Variants in MCF2L2 observed in about 807,000 individuals in gnomAD.
The protein encoded by MCF2L2 is MCF.2 cell line derived transforming sequence-like 2.
Under a neutral mutation model 150.2 loss-of-function variants are expected in MCF2L2, and 102 were observed. The ratio of observed to expected loss-of-function variants is 0.68; its 90% CI spans 0.58 to 0.80. The LOEUF (loss-of-function observed/expected upper bound fraction) is 0.80. Among genes scored for constraint, MCF2L2 ranks in the 30% least tolerant of loss-of-function variants. The pLI, the probability that MCF2L2 is intolerant of heterozygous loss-of-function variation, is 0.00. For synonymous variants in MCF2L2, 465 were observed against 491.3 expected (o/e 0.95, Z 0.71); for missense variants, 1,256 against 1,372.8 (o/e 0.91, Z 1.34).
Position 183,276,705 on chromosome 3 carries a change from G to A in MCF2L2, c.1862+167C>T. The A allele has an allele frequency of 1.1e-5, 5 of 472,802 alleles. No individual in the cohort carries two copies. The South Asian group carries it at 2.2e-4, about 21-fold the overall frequency. The allele number at this position is 472,802 out of a possible 1,614,324, so 29.3% of individuals were successfully genotyped here. A position where few individuals can be genotyped will look rare whatever the true frequency, so the allele number is the denominator to read the frequency against. ...AAGCTCTTTTGCTTGTTGCTTTTGTGGGATCCACAAATTTTGTTCTCAGGT... is the reference window on the plus strand; with the variant it reads ...AAGCTCTTTTGCTTGTTGCTTTTGTAGGATCCACAAATTTTGTTCTCAGGT... On this transcript the variant is annotated intron_variant, in intron 15 of 29. Coordinates refer to ENST00000328913, the MANE Select transcript of MCF2L2 (RefSeq NM_015078.4).
intron 1 of MCF2L2, among the ~76,000 whole-genome samples, chr3:183,394,875 T>G (rs537811834): frequency 6.6e-6 from 1 of 152,084 alleles, no homozygotes; most frequent in Non-Finnish European, 1.5e-5. Context: ...CCTCAGGGAG[T>G]GAAGCAGGTA....
intron 5 of MCF2L2, among the ~76,000 whole-genome samples, chr3:183,323,628 G>GA (rs1033368740): frequency 6.7e-6 from 1 of 149,514 alleles, no homozygotes; most frequent in African/African-American, 2.5e-5. Flanking sequence ...CCCATCACTA[G>GA]AAAAAAAATA....
At chr3:183,199,895 C>T (rs749393436) in intron 25 of MCF2L2, among the ~76,000 whole-genome samples, 7 of 151,238 alleles carry the variant, frequency 4.6e-5, no homozygotes, top group East Asian at 2.0e-4. Flanking sequence ...TCTGTCCTTG[C>T]GATAGTTTGC....
At position 183,270,654 on chromosome 3, in the gene MCF2L2, A is replaced by G; in HGVS notation, c.1862+6218T>C. The G allele has an allele frequency of 1.9e-6, 3 of 1,614,184 alleles. No individual in the cohort carries two copies. The highest frequency in any genetic ancestry group is 2.5e-6 in the Non-Finnish European group (3 of 1,180,032). ...AAGTCTTTACATAGACGATGTGTTCATGGGCCTCTGTGCCAATAAAATAGG... is the reference window on the plus strand; with the variant it reads ...AAGTCTTTACATAGACGATGTGTTCGTGGGCCTCTGTGCCAATAAAATAGG... On this transcript the variant is annotated intron_variant, in intron 15 of 29. Coordinates refer to ENST00000328913, the MANE Select transcript of MCF2L2 (RefSeq NM_015078.4). The surrounding 1 kb of genome is among the most constrained non-coding windows in gnomAD (Gnocchi z 4.5).
chr3:183,252,642 G>A (rs1473530152), intron 15 of MCF2L2, among the ~76,000 whole-genome samples: 3 of 152,156 alleles, frequency 2.0e-5, no homozygotes, highest in Non-Finnish European at 2.9e-5. Context: ...GTGAGCCACC[G>A]TGTCTGCTGG....
chr3:183,218,658 A>T (rs545046414), intron 21 of MCF2L2, among the ~76,000 whole-genome samples: 26 of 151,704 alleles, frequency 1.7e-4, no homozygotes, highest in African/African-American at 4.4e-4. Context: ...ATAAGAAATA[A>T]TTTTTTTTTA....
At chr3:183,335,263 TTAAA>T (rs1730429964) in intron 5 of MCF2L2, among the ~76,000 whole-genome samples, 2 of 152,122 alleles carry the variant, frequency 1.3e-5, no homozygotes, top group Non-Finnish European at 1.5e-5. Context: ...TGTATTCATA[TTAAA>T]TATATTGTGT....
intron 1 of MCF2L2, among the ~76,000 whole-genome samples, chr3:183,392,769 T>C (rs1333667990): frequency 6.6e-6 from 1 of 152,212 alleles, no homozygotes; most frequent in Non-Finnish European, 1.5e-5. Context: ...GGGCATGCTC[T>C]GTTCTGCCCC....
At position 183,179,723 on chromosome 3, in the gene MCF2L2, A is replaced by T; in HGVS notation, c.3106-31T>A. On this transcript the variant is annotated intron_variant, in intron 28 of 29. Coordinates refer to ENST00000328913, the MANE Select transcript of MCF2L2 (RefSeq NM_015078.4). The surrounding 1 kb of genome is among the most constrained non-coding windows in gnomAD (Gnocchi z 4.2). ...AGGGAGGGGACGGGTGCACCCTCAG[A>T]GTTATTGCTGGAGGCTGTGGCCAGA... is the stretch of plus-strand genomic sequence containing the variant. 3 of 1,580,662 alleles carry T rather than the reference A, an allele frequency of 1.9e-6. No homozygotes were observed. In the South Asian group the frequency reaches 3.3e-5, roughly 18 times the overall value.
chr3:183,360,000 C>T lies in MCF2L2; in HGVS notation c.276-18370G>A, dbSNP rs1274027740. 2.6e-5 allele frequency among the ~76,000 whole-genome samples: 4 copies of T among 152,150 alleles called. No homozygotes were observed. The South Asian group carries it at 6.2e-4, about 24-fold the overall frequency. On this transcript the variant is annotated intron_variant, in intron 3 of 29. Transcript: ENST00000328913. The stretch of plus-strand genomic sequence containing the variant: ...CATTGATTATGAGGCTCCAATTGTT[C>T]ATTCATTAACCAATGATGAAATAGC...
intron 5 of MCF2L2, among the ~76,000 whole-genome samples, chr3:183,328,166 A>T (rs773488745): frequency 6.6e-6 from 1 of 152,242 alleles, no homozygotes; most frequent in African/African-American, 2.4e-5. Context: ...TGCTGGAGAC[A>T]GCGTGGAAGC....
In MCF2L2 at chr3:183,389,792, A is replaced by T; in HGVS notation, c.77-13T>A. On this transcript the variant is annotated splice_polypyrimidine_tract_variant and intron_variant, in intron 1 of 29. Transcript: ENST00000328913. ...TGCATAATTTCATCTGCACAAATGA[A>T]ATACAAAGTGGGTTAGTTAAACATG... 4 of 1,605,684 alleles carry T rather than the reference A, an allele frequency of 2.5e-6. No individual in the cohort carries two copies. The highest frequency in any genetic ancestry group is 3.4e-6 in the Non-Finnish European group (4 of 1,172,368).
intron 21 of MCF2L2, among the ~76,000 whole-genome samples, chr3:183,217,294 C>CAAAA (rs35973262): frequency 4.6e-4 from 7 of 15,204 alleles, no homozygotes; most frequent in African/African-American, 7.3e-4. Context: ...AACCCCGTCT[C>CAAAA]AAAAAAAAAA....
chr3:183,273,024 G>T (rs1726915999), intron 15 of MCF2L2: 4 of 1,485,018 alleles, frequency 2.7e-6, no homozygotes, highest in Middle Eastern at 1.8e-4. Flanking sequence ...GTTGCTAGAT[G>T]ATTCCTTCAT....
intron 22 of MCF2L2, 88 bp downstream of exon 22, chr3:183,215,881 C>A (rs1410375934): frequency 1.3e-5 from 19 of 1,454,748 alleles, no homozygotes; most frequent in Admixed American, 4.3e-5. Flanking sequence ...CATAGACGAT[C>A]TCTCTGACTT....
At chr3:183,288,303 A>C (rs1033971382) in intron 14 of MCF2L2, among the ~76,000 whole-genome samples, 9 of 152,100 alleles carry the variant, frequency 5.9e-5, no homozygotes, top group African/African-American at 2.2e-4. Context: ...ATATTAAGTC[A>C]CATGAGGTTG....
At chr3:183,356,169 T>TA (rs34297018) in intron 3 of MCF2L2, among the ~76,000 whole-genome samples, 7,766 of 132,686 alleles carry the variant, frequency 0.059, 543 homozygotes, top group African/African-American at 0.17. Context: ...AAAATTGACT[T>TA]AAAAAAAAAA....
At chr3:183,347,098 T>A (rs1370551925) in intron 3 of MCF2L2, among the ~76,000 whole-genome samples, 2 of 152,144 alleles carry the variant, frequency 1.3e-5, no homozygotes, top group Non-Finnish European at 2.9e-5. Context: ...CCCGTATAGC[T>A]AAGACAATCC....
At chr3:183,341,482 T>G in intron 4 of MCF2L2, 58 bp downstream of exon 4, 1 of 1,348,916 alleles carries the variant, frequency 7.4e-7, no homozygotes, top group Non-Finnish European at 1.1e-6. Context: ...TGATATGAAA[T>G]AGTTGAACAG....
Sources: allele counts gnomAD v4.1 joint callset (sites outside exome capture counted in the v4.1 genomes callset), GRCh38; gene constraint gnomAD v4.1.1; non-coding constraint Gnocchi (gnomAD v3.1); transcripts MANE v1.5; gene names NCBI Gene and HGNC (gene_info 2026-07-23, HGNC 2026-07-21).